GSE1: variants seen among roughly 807,000 people sequenced by gnomAD.
GSE1 encodes the protein genetic suppressor element 1.
A neutral mutation model predicts 112.6 loss-of-function variants in GSE1; 32 were observed. The observed-to-expected ratio is 0.28, with a 90% CI of 0.21 to 0.38. The LOEUF is 0.38. Ranked by LOEUF, GSE1 falls within the 10% of genes least tolerant of loss-of-function variation. The pLI is 1.00. For missense variants in GSE1, 2,348 were observed against 1,699.2 expected (o/e 1.38, Z -6.71); for synonymous variants, 1,115 against 735.6 (o/e 1.52, Z -8.35).
At chr16:85,664,878 T>G (rs528309855) in intron 11 of GSE1, 137 bp from the exon 12 acceptor site, 22 of 632,926 alleles carry the variant, frequency 3.5e-5, no homozygotes, top group Non-Finnish European at 6.3e-5. Flanking sequence ...CAACTGGGCC[T>G]GCCCCATCAC....
chr16:85,338,004 G>A (rs2046542338), intron 1 of GSE1, among the ~76,000 whole-genome samples: 1 of 152,192 alleles, frequency 6.6e-6, no homozygotes, highest in South Asian at 2.1e-4. Flanking sequence ...GAACACCCCT[G>A]GGCTCTCCCT....
chr16:85,462,296 G>A (rs113262630), intron 2 of GSE1, among the ~76,000 whole-genome samples: 6 of 152,168 alleles, frequency 3.9e-5, no homozygotes, highest in Admixed American at 6.5e-5. Flanking sequence ...CAGGTCGTCT[G>A]GTAGGGAGGT....
At chr16:85,648,485 C>A in intron 2 of GSE1, 67 bp from the exon 3 acceptor site, 1 of 790,396 alleles carries the variant, frequency 1.3e-6, no homozygotes, top group Non-Finnish European at 2.0e-6. Flanking sequence ...GAGCCCAGGT[C>A]CCCAGCTGGC....
At chr16:85,659,256 C>G (rs754074339) in intron 8 of GSE1, 2 of 152,290 alleles carry the variant, frequency 1.3e-5, no homozygotes, top group African/African-American at 2.4e-5. Context: ...GATCCCTGAG[C>G]CCGGCCGTGT....
intron 14 of GSE1, 94 bp downstream of exon 14, chr16:85,668,518 T>G (rs2053071271): frequency 1.2e-6 from 1 of 832,454 alleles, no homozygotes; most frequent in East Asian, 2.5e-5. Flanking sequence ...TCTGCCAGCC[T>G]GGGGACTGTT....
intron 2 of GSE1, among the ~76,000 whole-genome samples, chr16:85,646,762 G>A (rs996667185): frequency 2.0e-5 from 3 of 152,102 alleles, no homozygotes; most frequent in Non-Finnish European, 2.9e-5. Context: ...CCTGGGCTTC[G>A]TCAGGCTGGG....
rs373810177 is a variant in GSE1, at chr16:85,656,669, C to A, written c.1312+4C>A. On this transcript the variant is annotated splice_donor_region_variant and intron_variant, in intron 7 of 15. Transcript: ENST00000253458. ...CAGCTGACCCCAACCCGAGCAGGTA[C>A]CTGGGCGTGGGTGGGCTGTGCTGGG... 121 of 1,505,492 alleles carry A rather than the reference C, an allele frequency of 8.0e-5. No homozygotes were observed. The African/African-American group carries it at 1.4e-3, about 18-fold the overall frequency. The allele number at this position is 1,505,492 out of a possible 1,614,324, so 93.3% of individuals were successfully genotyped here.
intron 2 of GSE1, among the ~76,000 whole-genome samples, chr16:85,545,084 GC>G (rs1481470126): frequency 6.6e-6 from 1 of 152,232 alleles, no homozygotes; most frequent in African/African-American, 2.4e-5. Context: ...GACAACCAGG[GC>G]TGTCTGAGAT....
intron 2 of GSE1, among the ~76,000 whole-genome samples, chr16:85,521,121 C>A (rs918826292): frequency 1.2e-4 from 18 of 152,194 alleles, no homozygotes; most frequent in Admixed American, 3.3e-4. Flanking sequence ...GGCTGCACCT[C>A]CGTCTTGACT....
chr16:85,597,621 C>T (rs761160610), intron 1 of GSE1, among the ~76,000 whole-genome samples: 13 of 152,152 alleles, frequency 8.5e-5, no homozygotes, highest in South Asian at 8.3e-4. Flanking sequence ...AGGTATGCAC[C>T]GCCACACCTG....
At chr16:85,213,315 A>G (rs1240604933) in intron 1 of GSE1, among the ~76,000 whole-genome samples, 1 of 151,738 alleles carries the variant, frequency 6.6e-6, no homozygotes, top group East Asian at 1.9e-4. Context: ...GCATGTTGGC[A>G]TGCGTCTGCA....
Position 85,672,536 on chromosome 16 carries a change from G to T in GSE1, c.3651G>T (p.Arg1217Ser). Residue 1217 changes from arginine to serine, a missense_variant, in exon 16 of 16, where the codon AGG (arginine) becomes AGT (serine). Physicochemically the swap from Arg to Ser is moderately radical, Grantham distance 110. Coordinates refer to ENST00000253458, the MANE Select transcript of GSE1 (RefSeq NM_014615.5). ...GGGGCTACCTGAAGGGATATCCCAGGTGACGGTTTCCCTTGCACTAGGCCG... is the reference window on the plus strand; with the variant it reads ...GGGGCTACCTGAAGGGATATCCCAGTTGACGGTTTCCCTTGCACTAGGCCG... ...WPRGYLKGYP[R>S] The T allele has an allele frequency of 6.2e-7, 1 of 1,602,896 alleles. No individual in the cohort carries two copies. Among genetic ancestry groups the T allele is most frequent in the Middle Eastern group, 1.7e-4 (1 of 6,016 alleles).
At chr16:85,615,876 G>C (rs116187584) in intron 1 of GSE1, among the ~76,000 whole-genome samples, 1,638 of 152,332 alleles carry the variant, frequency 0.011, 35 homozygotes, top group African/African-American at 0.037. Flanking sequence ...TGATCCTAAC[G>C]TACACACTGG....
intron 2 of GSE1, among the ~76,000 whole-genome samples, chr16:85,420,346 G>C (rs117260230): frequency 1.3e-5 from 2 of 152,292 alleles, no homozygotes; most frequent in East Asian, 1.9e-4. Flanking sequence ...GTCCAGGATC[G>C]TGAGGGAACG....
At chr16:85,329,295 G>C (rs2046290322) in intron 1 of GSE1, among the ~76,000 whole-genome samples, 1 of 152,192 alleles carries the variant, frequency 6.6e-6, no homozygotes, top group Admixed American at 6.5e-5. Context: ...TGTGAAGTGA[G>C]TGGAGAAGGA....
At chr16:85,451,550 G>A (rs113016672) in intron 2 of GSE1, among the ~76,000 whole-genome samples, 16 of 366 alleles carry the variant, frequency 0.044, 8 homozygotes, top group East Asian at 1. Context: ...TGGTGCGTGC[G>A]CTGGTGGTGG....
intron 1 of GSE1, among the ~76,000 whole-genome samples, chr16:85,629,467 T>C (rs1423487891): frequency 6.6e-6 from 1 of 152,238 alleles, no homozygotes; most frequent in Non-Finnish European, 1.5e-5. Context: ...CAGGGCATAG[T>C]CAGCCACCCA....
At chr16:85,427,966 T>G (rs949004871) in intron 2 of GSE1, among the ~76,000 whole-genome samples, 4 of 152,182 alleles carry the variant, frequency 2.6e-5, no homozygotes, top group Non-Finnish European at 2.9e-5. Context: ...CAAAAGCCAG[T>G]GTGAATTTGA....
At chr16:85,555,284 T>C, upstream of GSE1, 2 of 985,216 alleles carry the variant, frequency 2.0e-6, no homozygotes, top group Middle Eastern at 5.2e-4. Flanking sequence ...GCTCTCCTCC[T>C]GCCTCCTTCT....
Sources: gnomAD v4.1 joint callset for allele counts (sites outside exome capture counted in the v4.1 genomes callset) on GRCh38, gnomAD v4.1.1 for gene constraint, MANE v1.5 for transcripts, NCBI Gene and HGNC (gene_info 2026-07-23, HGNC 2026-07-21) for gene names.